The following RBFOX1 variants were observed in gnomAD, a reference collection of about 807,000 sequenced individuals.
RBFOX1 encodes RNA binding fox-1 homolog 1.
A neutral mutation model predicts 57.7 loss-of-function variants in RBFOX1; 8 were observed. That is an observed-to-expected ratio of 0.14 (90% CI 0.08 to 0.25). The LOEUF is 0.25. Among genes scored for constraint, RBFOX1 ranks in the 10% least tolerant of loss-of-function variants. RBFOX1 has a pLI of 1.00. For synonymous variants in RBFOX1, 326 were observed against 222.4 expected (o/e 1.47, Z -4.15); for missense variants, 611 against 548.5 (o/e 1.11, Z -1.14).
intron 2 of RBFOX1, among the ~76,000 whole-genome samples, chr16:6,601,610 C>A (rs74519404): frequency 1.3e-5 from 2 of 152,066 alleles, no homozygotes; most frequent in African/African-American, 4.8e-5. Context: ...CATCCTATCC[C>A]CAGTCCAATC....
chr16:6,140,719 C>T (rs1461801898), intron 1 of RBFOX1, among the ~76,000 whole-genome samples: 1 of 152,204 alleles, frequency 6.6e-6, no homozygotes, highest in Non-Finnish European at 1.5e-5. Flanking sequence ...CCCATTCCTT[C>T]TAGTAGATCT....
intron 4 of RBFOX1, among the ~76,000 whole-genome samples, chr16:7,223,291 C>G (rs2092865580): frequency 6.6e-6 from 1 of 152,158 alleles, no homozygotes; most frequent in Non-Finnish European, 1.5e-5. Flanking sequence ...CCCTGGGTGT[C>G]TCTTGATTGT....
chr16:5,902,745 C>T (rs898543023), intron 4 of RBFOX1, among the ~76,000 whole-genome samples: 1 of 152,116 alleles, frequency 6.6e-6, no homozygotes, highest in Non-Finnish European at 1.5e-5. Flanking sequence ...AAGAAGCCTT[C>T]ATCAATCTCT....
intron 4 of RBFOX1, among the ~76,000 whole-genome samples, chr16:7,218,467 A>G (rs2092431112): frequency 6.6e-6 from 1 of 152,146 alleles, no homozygotes; most frequent in African/African-American, 2.4e-5. Context: ...GAGAGCTCAT[A>G]CAGAAGAGGC....
intron 4 of RBFOX1, among the ~76,000 whole-genome samples, chr16:7,504,742 TA>T (rs2072397287): frequency 1.8e-3 from 20 of 11,116 alleles, no homozygotes; most frequent in East Asian, 4.7e-3. Flanking sequence ...TATATATATA[TA>T]TATATATATA....
chr16:6,565,008 G>T (rs1452759918), intron 2 of RBFOX1, among the ~76,000 whole-genome samples: 1 of 151,482 alleles, frequency 6.6e-6, no homozygotes, highest in East Asian at 2.0e-4. Flanking sequence ...GGATGTGCTG[G>T]CATGCACTTG....
intron 3 of RBFOX1, among the ~76,000 whole-genome samples, chr16:6,971,196 A>G (rs147377189): frequency 6.6e-6 from 1 of 152,258 alleles, no homozygotes; most frequent in East Asian, 1.9e-4. Context: ...CTATACAGAG[A>G]TTTTAAAATA....
At position 7,711,760 on chromosome 16, in the gene RBFOX1, G is replaced by C. The variant is rs1195042866; in HGVS notation, c.*1015G>C. 1 of 152,608 alleles carries C rather than the reference G, an allele frequency of 6.6e-6. No homozygotes were observed. Among genetic ancestry groups the C allele is most frequent in the African/African-American group, 2.4e-5 (1 of 41,450 alleles). The allele number at this position is 152,608 out of a possible 1,614,324, so 9.5% of individuals were successfully genotyped here. On this transcript the variant is annotated 3_prime_UTR_variant, in exon 16 of 16. Coordinates refer to ENST00000550418, the MANE Select transcript of RBFOX1 (RefSeq NM_018723.4). Reference sequence around the variant, plus strand: ...CCTAGTAGAACAACTGTTAGAGACAGACGTATAATTTTTATGGAATTACAT... The same window carrying C: ...CCTAGTAGAACAACTGTTAGAGACACACGTATAATTTTTATGGAATTACAT...
At chr16:6,071,290 C>T (rs2095834596) in intron 1 of RBFOX1, among the ~76,000 whole-genome samples, 1 of 152,170 alleles carries the variant, frequency 6.6e-6, no homozygotes, top group African/African-American at 2.4e-5. Context: ...CATTGCACTC[C>T]AGCCTGGATG....
chr16:7,298,827 C>G (rs997869264), intron 4 of RBFOX1, among the ~76,000 whole-genome samples: 1 of 152,108 alleles, frequency 6.6e-6, no homozygotes, highest in Admixed American at 6.5e-5. Context: ...TGTCATTTTA[C>G]ATGAGGTAGG....
chr16:5,537,482 G>A (rs1327151933), intron 2 of RBFOX1, among the ~76,000 whole-genome samples: 2 of 152,202 alleles, frequency 1.3e-5, no homozygotes, highest in African/African-American at 4.8e-5. Context: ...TTGAAGTCAA[G>A]GTGTTGGCAG....
chr16:7,314,784 C>G (rs117509835), intron 4 of RBFOX1, among the ~76,000 whole-genome samples: 1 of 152,110 alleles, frequency 6.6e-6, no homozygotes, highest in African/African-American at 2.4e-5. Context: ...CATTTGTTCA[C>G]GATAAGTCAA....
chr16:6,975,574 C>T (rs930730237), intron 3 of RBFOX1, among the ~76,000 whole-genome samples: 3 of 152,128 alleles, frequency 2.0e-5, no homozygotes, highest in African/African-American at 7.2e-5. Flanking sequence ...GCCGCAAGTG[C>T]CCATATGTTG....
intron 1 of RBFOX1, among the ~76,000 whole-genome samples, chr16:6,042,925 A>C (rs1385550289): frequency 2.0e-5 from 3 of 151,992 alleles, no homozygotes; most frequent in Non-Finnish European, 4.4e-5. Flanking sequence ...GGTAGAAAGA[A>C]ATGCTTGATT....
intron 3 of RBFOX1, among the ~76,000 whole-genome samples, chr16:6,984,420 C>G (rs776250939): frequency 6.6e-6 from 1 of 152,180 alleles, no homozygotes; most frequent in Non-Finnish European, 1.5e-5. Flanking sequence ...AGGGGTATCT[C>G]CAGTGAGACG....
intron 2 of RBFOX1, among the ~76,000 whole-genome samples, chr16:6,447,335 T>C (rs997326430): frequency 6.6e-6 from 1 of 152,202 alleles, no homozygotes; most frequent in Non-Finnish European, 1.5e-5. Context: ...TTAGTAATCA[T>C]GGCCTAACAG....
intron 3 of RBFOX1, among the ~76,000 whole-genome samples, chr16:5,751,576 G>C (rs542573350): frequency 8.0e-4 from 122 of 152,268 alleles, no homozygotes; most frequent in African/African-American, 2.7e-3. Flanking sequence ...GAATCAGAGA[G>C]GGCAAGGAAG....
At chr16:7,201,819 C>A (rs185502888) in intron 4 of RBFOX1, among the ~76,000 whole-genome samples, 1 of 151,976 alleles carries the variant, frequency 6.6e-6, no homozygotes, top group East Asian at 1.9e-4. Flanking sequence ...GCACGGCAAG[C>A]GTGAAGTTAG....
At chr16:6,232,121 A>C (rs902197705) in intron 1 of RBFOX1, among the ~76,000 whole-genome samples, 3 of 152,156 alleles carry the variant, frequency 2.0e-5, no homozygotes, top group Non-Finnish European at 4.4e-5. Context: ...TTTCCTTAAA[A>C]ATGTATTGAA....
Sources: allele counts gnomAD v4.1 joint callset (sites outside exome capture counted in the v4.1 genomes callset), GRCh38; gene constraint gnomAD v4.1.1; transcripts MANE v1.5; gene names NCBI Gene and HGNC (gene_info 2026-07-23, HGNC 2026-07-21).